Variants in NKAIN1 observed in about 807,000 individuals in gnomAD.
NKAIN1 encodes the protein sodium/potassium-transporting ATPase subunit beta-1-interacting protein 1.
NKAIN1 carries 13 observed loss-of-function variants against 31.6 expected under a neutral mutation model. The ratio of observed to expected loss-of-function variants is 0.41; its 90% CI spans 0.27 to 0.65. The LOEUF (loss-of-function observed/expected upper bound fraction) is 0.65, where lower values mean the gene tolerates loss of function less well. Among genes scored for constraint, NKAIN1 ranks in the 30% least tolerant of loss-of-function variants. The pLI, the probability that NKAIN1 is intolerant of heterozygous loss-of-function variation, is 0.30. For missense variants in NKAIN1, 193 were observed against 262.2 expected (o/e 0.74, Z 1.82); for synonymous variants, 104 against 109.0 (o/e 0.95, Z 0.28).
In NKAIN1 at chr1:31,239,697, TC is replaced by T. The variant is rs1255929966; in HGVS notation, c.-151del. The T allele has an allele frequency of 5.1e-6, 1 of 195,746 alleles. No homozygotes were observed. The highest frequency in any genetic ancestry group is 9.1e-6 in the Non-Finnish European group (1 of 109,730). 12.1% of individuals were successfully genotyped at this position (195,746 alleles called of 1,614,324 possible). ...TAGGGCCGGGCCCGGGAGTGTCCGG[TC>T]CCCAAGGCTGGGGCCGGCCGCCCGC... On this transcript the variant is annotated 5_prime_UTR_variant, in exon 1 of 7. The change abolishes the stop of an existing upstream ORF in the 5' untranslated region. Coordinates refer to ENST00000373736, the MANE Select transcript of NKAIN1 (RefSeq NM_024522.3). The surrounding 1 kb of genome is among the most constrained non-coding windows in gnomAD (Gnocchi z 4.8).
At chr1:31,216,925 G>C (rs1036899168) in intron 1 of NKAIN1, among the ~76,000 whole-genome samples, 1 of 152,032 alleles carries the variant, frequency 6.6e-6, no homozygotes, top group Admixed American at 6.6e-5. Context: ...GAGTGCAATG[G>C]TGCGATCTTG....
intron 3 of NKAIN1, among the ~76,000 whole-genome samples, chr1:31,185,012 C>T (rs957455693): frequency 1.3e-5 from 2 of 152,186 alleles, no homozygotes; most frequent in Non-Finnish European, 2.9e-5. Context: ...AACTGGGACC[C>T]CTGGCTCATC....
In NKAIN1 at chr1:31,186,257, A is replaced by G. The variant is rs571866012; in HGVS notation, c.193-930T>C. Among the ~76,000 whole-genome samples the G allele has an allele frequency of 4.4e-3, 669 of 151,506 alleles. 2 individuals are homozygous for G. Among genetic ancestry groups the G allele is most frequent in the Non-Finnish European group, 7.6e-3 (517 of 67,856 alleles). On this transcript the variant is annotated intron_variant, in intron 2 of 6. Coordinates refer to ENST00000373736, the MANE Select transcript of NKAIN1 (RefSeq NM_024522.3). ...CATGCCTGTAATCCCAGCTACTCGG[A>G]AGGCTGAGGAAGGAGAATCACTTGA...
chr1:31,209,989 TA>T (rs71569969), intron 1 of NKAIN1, among the ~76,000 whole-genome samples: 38,065 of 136,982 alleles, frequency 0.28, 5,431 homozygotes, highest in East Asian at 0.48. Context: ...CCTGTCTTAT[TA>T]AAAAAAAAAA....
chr1:31,220,592 T>A (rs1378994515), intron 1 of NKAIN1, among the ~76,000 whole-genome samples: 1 of 151,746 alleles, frequency 6.6e-6, no homozygotes, highest in Non-Finnish European at 1.5e-5. Flanking sequence ...CTGTCTCTAC[T>A]AAAAATATAA....
intron 1 of NKAIN1, among the ~76,000 whole-genome samples, chr1:31,223,145 G>A (rs1053562358): frequency 5.3e-5 from 8 of 152,086 alleles, no homozygotes; most frequent in Non-Finnish European, 8.8e-5. Context: ...GGGAGGCTGA[G>A]GTGGGTGGAT....
chr1:31,197,839 A>G (rs1186928086), intron 1 of NKAIN1, among the ~76,000 whole-genome samples: 1 of 152,002 alleles, frequency 6.6e-6, no homozygotes. Flanking sequence ...GAGCCACTGC[A>G]CCTGGTGGTT....
chr1:31,239,211 C>T lies in NKAIN1; in HGVS notation c.54+283G>A, dbSNP rs1003620446. On this transcript the variant is annotated intron_variant, in intron 1 of 6. Coordinates refer to ENST00000373736, the MANE Select transcript of NKAIN1 (RefSeq NM_024522.3). The surrounding 1 kb of genome is among the most constrained non-coding windows in gnomAD (Gnocchi z 4.8). ...CACCGTCCCACAGCGCATCCCCCAA[C>T]AGGAGGCCACTTGTACAGTGCGGGC... Among the ~76,000 whole-genome samples the T allele has an allele frequency of 7.9e-5, 12 of 152,214 alleles. No individual in the cohort carries two copies. The highest frequency in any genetic ancestry group is 2.9e-4 in the African/African-American group (12 of 41,464).
intron 1 of NKAIN1, among the ~76,000 whole-genome samples, chr1:31,191,513 CTA>C (rs1645286061): frequency 6.7e-6 from 1 of 149,482 alleles, no homozygotes; most frequent in Admixed American, 6.7e-5. Context: ...CTCTCTGAAT[CTA>C]TTTCTTCAAC....
chr1:31,182,645 C>T (rs899914268), intron 4 of NKAIN1, 55 bp from the exon 5 acceptor site: 1 of 1,600,090 alleles, frequency 6.2e-7, no homozygotes, highest in African/African-American at 1.3e-5. Flanking sequence ...CCTCTTCCTC[C>T]GCCCCCTGCC....
chr1:31,215,236 G>A (rs1645501933), intron 1 of NKAIN1, among the ~76,000 whole-genome samples: 1 of 152,332 alleles, frequency 6.6e-6, no homozygotes, highest in East Asian at 1.9e-4. Flanking sequence ...AGTCTGCCTA[G>A]CAACAGCAGT....
In NKAIN1 at chr1:31,237,522, C is replaced by T. The variant is rs1039884072; in HGVS notation, c.54+1972G>A. Among the ~76,000 whole-genome samples, 4 of 148,386 alleles carry T rather than the reference C, an allele frequency of 2.7e-5. No individual in the cohort carries two copies. The South Asian group carries it at 8.5e-4, about 31-fold the overall frequency. ...GAAAACTTTTTTTTTTTTTTTGAGA[C>T]ACAGTTTCACTCTGTCGTCCAGGCT... On this transcript the variant is annotated intron_variant, in intron 1 of 6. Coordinates refer to ENST00000373736, the MANE Select transcript of NKAIN1 (RefSeq NM_024522.3).
chr1:31,220,488 C>T (rs1025704608), intron 1 of NKAIN1, among the ~76,000 whole-genome samples: 5 of 152,058 alleles, frequency 3.3e-5, no homozygotes, highest in African/African-American at 9.7e-5. Flanking sequence ...GGCACGGTGG[C>T]TCACGCCTAT....
intron 1 of NKAIN1, among the ~76,000 whole-genome samples, chr1:31,234,941 C>T (rs1427119113): frequency 6.6e-6 from 1 of 152,118 alleles, no homozygotes; most frequent in Non-Finnish European, 1.5e-5. Context: ...CCTCAATTTC[C>T]TCACCTGAAA....
In NKAIN1 at chr1:31,230,878, ATTTTTTTTTTT is replaced by A. The variant is rs35096054; in HGVS notation, c.54+8605_54+8615del. Reference sequence around the variant, plus strand: ...ATAATCCAATCATACTCTTTGGGTTATTTTTTTTTTTTTTTTTTTTTGAGACGGAGTTTTGC... The same window carrying A: ...ATAATCCAATCATACTCTTTGGGTTATTTTTTTTTTGAGACGGAGTTTTGC... On this transcript the variant is annotated intron_variant, in intron 1 of 6. Coordinates refer to ENST00000373736, the MANE Select transcript of NKAIN1 (RefSeq NM_024522.3). 3.8e-5 allele frequency among the ~76,000 whole-genome samples: 3 copies of A among 79,294 alleles called. No homozygotes were observed. The South Asian group carries it at 1.4e-3, about 38-fold the overall frequency. The allele number at this position is 79,294 out of a possible 152,430, so 52.0% of individuals were successfully genotyped here.
intron 1 of NKAIN1, among the ~76,000 whole-genome samples, chr1:31,218,217 C>G (rs537951699): frequency 7.9e-5 from 12 of 152,072 alleles, no homozygotes; most frequent in African/African-American, 2.9e-4. Context: ...TGCACACTGC[C>G]ATGCCTGGCT....
chr1:31,221,213 G>C (rs964045207), intron 1 of NKAIN1, among the ~76,000 whole-genome samples: 2 of 152,168 alleles, frequency 1.3e-5, no homozygotes, highest in South Asian at 4.1e-4. Context: ...AGGGTGTTTA[G>C]GTCCATGCAA....
intron 1 of NKAIN1, among the ~76,000 whole-genome samples, chr1:31,200,806 C>T (rs1645374318): frequency 6.6e-6 from 1 of 151,608 alleles, no homozygotes; most frequent in African/African-American, 2.4e-5. Flanking sequence ...ATTCTGAGTA[C>T]ATAACATGTA....
chr1:31,197,959 C>G (rs1357257397), intron 1 of NKAIN1, among the ~76,000 whole-genome samples: 1 of 152,090 alleles, frequency 6.6e-6, no homozygotes, highest in Admixed American at 6.6e-5. Context: ...TTGGCTCAAT[C>G]CTCCCACCTC....
Sources: gnomAD v4.1 joint callset for allele counts (sites outside exome capture counted in the v4.1 genomes callset) on GRCh38, gnomAD v4.1.1 for gene constraint, Gnocchi (gnomAD v3.1) non-coding constraint, MANE v1.5 for transcripts, NCBI Gene and HGNC (gene_info 2026-07-23, HGNC 2026-07-21) for gene names.